Variants in PXDN observed in about 807,000 individuals in gnomAD.
The protein encoded by PXDN is peroxidasin homolog.
A neutral mutation model predicts 140.3 loss-of-function variants in PXDN; 77 were observed. The ratio of observed to expected loss-of-function variants is 0.55; its 90% CI spans 0.46 to 0.66. PXDN has a LOEUF of 0.66. Among genes scored for constraint, PXDN ranks in the 30% least tolerant of loss-of-function variants. The probability of loss-of-function intolerance (pLI) is 0.00; values close to 1 mark genes in which losing one functional copy is unlikely to be tolerated. For synonymous variants in PXDN, 911 were observed against 857.4 expected, an observed-to-expected ratio of 1.06 and a Z score of -1.09; for missense variants, 1,838 against 2,039.5, an observed-to-expected ratio of 0.90 and a Z score of 1.90.
intron 1 of PXDN, among the ~76,000 whole-genome samples, chr2:1,715,452 A>C (rs527900279): frequency 2.0e-5 from 3 of 152,186 alleles, no homozygotes; most frequent in Non-Finnish European, 4.4e-5. Flanking sequence ...AGAAGGGGGA[A>C]CTCAACTCAG....
At chr2:1,711,632 G>T (rs569385340) in intron 1 of PXDN, among the ~76,000 whole-genome samples, 24 of 52,896 alleles carry the variant, frequency 4.5e-4, no homozygotes, top group South Asian at 2.2e-3. Context: ...ACCAGCACCC[G>T]CTCCACCAGC....
chr2:1,737,546 CTT>C (rs34336685), intron 1 of PXDN, among the ~76,000 whole-genome samples: 10 of 150,014 alleles, frequency 6.7e-5, no homozygotes, highest in South Asian at 6.3e-4. Context: ...CTATTCTTTT[CTT>C]TTTTTTTTTG....
At chr2:1,682,225 T>C (rs1348563893) in intron 6 of PXDN, among the ~76,000 whole-genome samples, 2 of 152,192 alleles carry the variant, frequency 1.3e-5, no homozygotes, top group Non-Finnish European at 2.9e-5. Context: ...TTGGCTACTT[T>C]CTAGAGCATT....
At position 1,649,584 on chromosome 2, in the gene PXDN, G is replaced by A. The variant is rs762363964; in HGVS notation, c.2196C>T (p.Cys732=). The change falls in exon 17 of 23, where the codon TGC becomes TGT. Residue 732 remains cysteine (C), a synonymous_variant. Coordinates refer to ENST00000252804, the MANE Select transcript of PXDN (RefSeq NM_012293.3). This position sits in a 1 kb window ranked among gnomAD's most constrained non-coding sequence, Gnocchi z 7.1. ...GCTAHRRVNN[C]SDMCFHQKYR... Reference sequence around the variant, plus strand: ...ACTTCTGGTGGAAGCACATGTCCGAGCAGTTGTTCACGCGCCGGTGGGCGG... The same window carrying A: ...ACTTCTGGTGGAAGCACATGTCCGAACAGTTGTTCACGCGCCGGTGGGCGG... 4.3e-6 allele frequency: 7 copies of A among 1,614,056 alleles called. No individual in the cohort carries two copies. The highest frequency in any genetic ancestry group is 2.2e-5 in the South Asian group (2 of 91,084).
chr2:1,635,301 G>A (rs901533996), intron 22 of PXDN, 107 bp downstream of exon 22: 16 of 898,434 alleles, frequency 1.8e-5, no homozygotes, highest in African/African-American at 9.9e-5. Flanking sequence ...ACAGGTAGGC[G>A]GGGAGGGGCC....
chr2:1,663,544 C>T, intron 12 of PXDN, 61 bp downstream of exon 12: 1 of 1,584,502 alleles, frequency 6.3e-7, no homozygotes, highest in Admixed American at 1.7e-5. Flanking sequence ...CTGCGGAATT[C>T]TGTGTTTCCT....
At chr2:1,716,784 C>A (rs1046127938) in intron 1 of PXDN, among the ~76,000 whole-genome samples, 2 of 152,208 alleles carry the variant, frequency 1.3e-5, no homozygotes, top group East Asian at 1.9e-4. Flanking sequence ...CCGCTCCAGA[C>A]ACACCTGTTT....
intron 1 of PXDN, among the ~76,000 whole-genome samples, chr2:1,728,083 C>G (rs1685231042): frequency 6.6e-6 from 1 of 152,144 alleles, no homozygotes. Context: ...GGACTACAGG[C>G]GTATACCACC....
intron 1 of PXDN, among the ~76,000 whole-genome samples, chr2:1,698,001 G>A (rs1028657219): frequency 6.6e-6 from 1 of 152,224 alleles, no homozygotes; most frequent in Non-Finnish European, 1.5e-5. Flanking sequence ...GCTAACATCA[G>A]GCAGGGCATC....
chr2:1,645,764 A>C (rs980204608), intron 17 of PXDN, among the ~76,000 whole-genome samples: 1 of 152,190 alleles, frequency 6.6e-6, no homozygotes, highest in Non-Finnish European at 1.5e-5. Flanking sequence ...TCTGTGGCTG[A>C]GGACAGCACA....
chr2:1,676,685 C>A, intron 8 of PXDN: 1 of 541,750 alleles, frequency 1.8e-6, no homozygotes, highest in South Asian at 2.4e-5. Flanking sequence ...CGTTGCCCAG[C>A]CAGGGCACCC....
rs2288184 is a variant in PXDN, at chr2:1,684,293, C to A, written c.417-142G>T. ...CACTAGACTTCCTACATTGTATGAA[C>A]AATACATAAAATTATCAAATGATTC... On this transcript the variant is annotated intron_variant, in intron 4 of 22. Transcript: ENST00000252804. The A allele has an allele frequency of 0.09, 60,456 of 669,652 alleles. 4,455 individuals are homozygous for A. Among genetic ancestry groups the A allele is most frequent in the African/African-American group, 0.32 (17,429 of 55,094 alleles). 41.5% of individuals were successfully genotyped at this position (669,652 alleles called of 1,614,324 possible).
At position 1,676,711 on chromosome 2, in the gene PXDN, G is replaced by A. The variant is rs1240656059; in HGVS notation, c.848+216C>T. On this transcript the variant is annotated intron_variant, in intron 8 of 22. Coordinates refer to ENST00000252804, the MANE Select transcript of PXDN (RefSeq NM_012293.3). ...CAGGGCACCCCTGTGCTGCCCAGGA[G>A]AGAGTGGGGAAGGGGCCCCAGCCTG... 6.6e-6 allele frequency: 4 copies of A among 606,250 alleles called. No homozygotes were observed. The East Asian group carries it at 8.4e-5, about 13-fold the overall frequency. 37.6% of individuals were successfully genotyped at this position (606,250 alleles called of 1,614,324 possible). A position where few individuals can be genotyped will look rare whatever the true frequency, so the allele number is the denominator to read the frequency against.
intron 1 of PXDN, among the ~76,000 whole-genome samples, chr2:1,702,818 G>C (rs1367987359): frequency 2.0e-5 from 3 of 152,062 alleles, no homozygotes; most frequent in Non-Finnish European, 4.4e-5. Flanking sequence ...TTAGAGATGA[G>C]GTTTCACCGA....
At position 1,639,999 on chromosome 2, in the gene PXDN, C is replaced by T. The variant is rs1350544772; in HGVS notation, c.3953-577G>A. Among the ~76,000 whole-genome samples the T allele has an allele frequency of 3.9e-5, 6 of 152,120 alleles. 1 individual carries two copies. The highest frequency in any genetic ancestry group is 2.1e-4 in the South Asian group (1 of 4,824). On this transcript the variant is annotated intron_variant, in intron 19 of 22. Coordinates refer to ENST00000252804, the MANE Select transcript of PXDN (RefSeq NM_012293.3). The surrounding 1 kb of genome is among the most constrained non-coding windows in gnomAD (Gnocchi z 5.0). ...TCAGTGCTATGCCTCACCTGAGCCC[C>T]GGGTGAGTGAGGGGCCCTCAGTGCC...
intron 1 of PXDN, among the ~76,000 whole-genome samples, chr2:1,695,417 A>T (rs545667156): frequency 7.6e-6 from 1 of 130,738 alleles, no homozygotes; most frequent in African/African-American, 2.9e-5. Flanking sequence ...TGTCCCATCC[A>T]CAGGCCCCTG....
chr2:1,644,774 G>T, intron 17 of PXDN, 22 bp from the exon 18 acceptor site: 1 of 1,481,788 alleles, frequency 6.7e-7, no homozygotes, highest in South Asian at 1.4e-5. Context: ...AGAGAAAACT[G>T]AAATCTACCT....
chr2:1,739,582 G>C (rs79165150), intron 1 of PXDN, among the ~76,000 whole-genome samples: 1 of 152,236 alleles, frequency 6.6e-6, no homozygotes, highest in African/African-American at 2.4e-5. Flanking sequence ...TCACATACTA[G>C]TTTTCAAAGG....
intron 9 of PXDN, among the ~76,000 whole-genome samples, chr2:1,670,958 C>A (rs1303162070): frequency 1.3e-5 from 2 of 152,164 alleles, no homozygotes; most frequent in Non-Finnish European, 2.9e-5. Context: ...ACTCCCCCCA[C>A]ATCAGGCAGA....
Sources: gnomAD v4.1 joint callset for allele counts (sites outside exome capture counted in the v4.1 genomes callset) on GRCh38, gnomAD v4.1.1 for gene constraint, Gnocchi (gnomAD v3.1) non-coding constraint, MANE v1.5 for transcripts, NCBI Gene and HGNC (gene_info 2026-07-23, HGNC 2026-07-21) for gene names.